The following TUSC3 variants were observed in gnomAD, a reference collection of about 807,000 sequenced individuals.
The protein encoded by TUSC3 is dolichyl-diphosphooligosaccharide--protein glycosyltransferase subunit TUSC3.
A neutral mutation model predicts 44.8 loss-of-function variants in TUSC3; 45 were observed. The observed-to-expected ratio is 1.00, with a 90% confidence interval of 0.79 to 1.29. The LOEUF is 1.29. Ranked by LOEUF, TUSC3 falls within the 50% of genes most tolerant of loss-of-function variation. The pLI is 0.00. For missense variants in TUSC3, 519 were observed against 437.9 expected, an observed-to-expected ratio of 1.19 and a Z score of -1.65; for synonymous variants, 212 against 152.9, an observed-to-expected ratio of 1.39 and a Z score of -2.85.
chr8:15,812,023 C>T, the TUSC3 span, among the ~76,000 whole-genome samples: 1 of 152,106 alleles, frequency 6.6e-6, no homozygotes, highest in African/African-American at 2.4e-5. Flanking sequence ...ATCTGCATTC[C>T]TTTTATTCTC....
intron 7 of TUSC3, among the ~76,000 whole-genome samples, chr8:15,740,950 A>C (rs1454179596): frequency 6.6e-6 from 1 of 152,180 alleles, no homozygotes; most frequent in Non-Finnish European, 1.5e-5. Flanking sequence ...CTGTTACCAC[A>C]TTGTTTGAAT....
At chr8:15,440,620 A>C (rs927735595) in intron 1 of TUSC3, among the ~76,000 whole-genome samples, 3 of 152,178 alleles carry the variant, frequency 2.0e-5, no homozygotes, top group Non-Finnish European at 4.4e-5. Context: ...GAATTGACTT[A>C]AGCATTCTTT....
At chr8:15,564,269 ATGT>A (rs764312060) in intron 1 of TUSC3, among the ~76,000 whole-genome samples, 11 of 152,148 alleles carry the variant, frequency 7.2e-5, no homozygotes, top group Non-Finnish European at 1.2e-4. Context: ...TTGGGCAGCC[ATGT>A]TGTTTTTGAG....
intron 2 of TUSC3, among the ~76,000 whole-genome samples, chr8:15,636,669 C>T (rs67121355): frequency 0.33 from 49,504 of 152,110 alleles, 8,832 homozygotes; most frequent in Non-Finnish European, 0.39. Context: ...GTTTGCTGAA[C>T]ATTTGCAGTG....
chr8:15,742,995 T>C lies in TUSC3; in HGVS notation c.863-543T>C, dbSNP rs532037969. ...TTAGCTGACTAGCTCAGGGTCCTGC[T>C]AGATTCATTAAATTGTTTTATTATA... On this transcript the variant is annotated intron_variant, in intron 7 of 10. Coordinates refer to ENST00000503731, the MANE Select transcript of TUSC3 (RefSeq NM_006765.4). Among the ~76,000 whole-genome samples, 11 of 152,362 alleles carry C rather than the reference T, an allele frequency of 7.2e-5. No individual in the cohort carries two copies. In the East Asian group the frequency reaches 2.1e-3, roughly 29 times the overall value.
chr8:15,814,676 G>A, the TUSC3 span, among the ~76,000 whole-genome samples: 1 of 152,154 alleles, frequency 6.6e-6, no homozygotes, highest in African/African-American at 2.4e-5. Flanking sequence ...TATCTAAAGA[G>A]TTGCCTTACC....
chr8:15,749,487 C>G (rs1285803004), intron 9 of TUSC3, among the ~76,000 whole-genome samples: 1 of 152,024 alleles, frequency 6.6e-6, no homozygotes, highest in Non-Finnish European at 1.5e-5. Context: ...TCTCTTCTTC[C>G]CACACCCATT....
At chr8:15,650,985 ACAC>A (rs1806877217) in intron 3 of TUSC3, 171 bp downstream of exon 3, 1 of 3,588 alleles carries the variant, frequency 2.8e-4, no homozygotes, top group African/African-American at 2.1e-3. Flanking sequence ...CAAGACTTTT[ACAC>A]ACACACACAC....
chr8:15,540,976 A>C (rs1462837229), intron 1 of TUSC3, among the ~76,000 whole-genome samples: 1 of 152,186 alleles, frequency 6.6e-6, no homozygotes, highest in Non-Finnish European at 1.5e-5. Flanking sequence ...TACCCATTTC[A>C]AGAAGCAACA....
intron 2 of TUSC3, among the ~76,000 whole-genome samples, chr8:15,491,038 G>A (rs564960741): frequency 1.3e-5 from 2 of 152,290 alleles, no homozygotes; most frequent in East Asian, 1.9e-4. Context: ...TCTGATCAGC[G>A]TTCACTGAAC....
chr8:15,736,399 C>T (rs563432124), intron 7 of TUSC3, among the ~76,000 whole-genome samples: 1 of 152,132 alleles, frequency 6.6e-6, no homozygotes, highest in Admixed American at 6.5e-5. Context: ...AATTAGTATG[C>T]ATATGAAATA....
At chr8:15,749,247 G>C (rs1329696984) in intron 9 of TUSC3, among the ~76,000 whole-genome samples, 1 of 152,084 alleles carries the variant, frequency 6.6e-6, no homozygotes, top group Non-Finnish European at 1.5e-5. Context: ...TAGAACCAGT[G>C]ATATGTTGAT....
intron 1 of TUSC3, among the ~76,000 whole-genome samples, chr8:15,561,165 T>C (rs1332804955): frequency 4.8e-5 from 5 of 104,978 alleles, no homozygotes; most frequent in Non-Finnish European, 8.0e-5. Flanking sequence ...ATGATGGTGA[T>C]GTACAGATGG....
intron 1 of TUSC3, among the ~76,000 whole-genome samples, chr8:15,579,139 A>G (rs1478033278): frequency 2.0e-5 from 3 of 151,572 alleles, no homozygotes; most frequent in South Asian, 4.2e-4. Flanking sequence ...ATTAGTTTGT[A>G]TTTCTGTGGG....
chr8:15,712,074 C>G (rs550113452), intron 6 of TUSC3, among the ~76,000 whole-genome samples: 2 of 151,712 alleles, frequency 1.3e-5, no homozygotes, highest in Non-Finnish European at 2.9e-5. Flanking sequence ...TTTTTATTTT[C>G]TAGGATTGAA....
At chr8:15,655,769 A>C (rs1563156553) in intron 3 of TUSC3, among the ~76,000 whole-genome samples, 1 of 152,194 alleles carries the variant, frequency 6.6e-6, no homozygotes, top group Non-Finnish European at 1.5e-5. Context: ...GTTTAGCTCT[A>C]TTCCTGATGG....
At chr8:15,745,952 G>A (rs544791005) in intron 8 of TUSC3, among the ~76,000 whole-genome samples, 58 of 152,148 alleles carry the variant, frequency 3.8e-4, no homozygotes, top group African/African-American at 1.4e-3. Flanking sequence ...GTGAAGGGTA[G>A]GGGCCAAGTT....
rs77264628 is a variant in TUSC3, at chr8:15,681,741, G to T, written c.798+7905G>T. On this transcript the variant is annotated intron_variant, in intron 6 of 10. Coordinates refer to ENST00000503731, the MANE Select transcript of TUSC3 (RefSeq NM_006765.4). Reference sequence around the variant, plus strand: ...TGGGCTAGTTTTTTCTTGTTTTTCTGATTTCTCTAGCTTTGATGTTAGACT... The same window carrying T: ...TGGGCTAGTTTTTTCTTGTTTTTCTTATTTCTCTAGCTTTGATGTTAGACT... Among the ~76,000 whole-genome samples the T allele has an allele frequency of 5.9e-4, 90 of 151,514 alleles. No individual in the cohort carries two copies. The East Asian group carries it at 0.017, about 29-fold the overall frequency.
chr8:15,821,423 G>C, the TUSC3 span, among the ~76,000 whole-genome samples: 1 of 127,768 alleles, frequency 7.8e-6, no homozygotes, highest in Non-Finnish European at 1.6e-5. Context: ...GTAAATTTAT[G>C]TCTTTCCGAT....
Sources: gnomAD v4.1 joint callset for allele counts (sites outside exome capture counted in the v4.1 genomes callset) on GRCh38, gnomAD v4.1.1 for gene constraint, MANE v1.5 for transcripts, NCBI Gene and HGNC (gene_info 2026-07-23, HGNC 2026-07-21) for gene names.